RERE: variants seen among roughly 807,000 people sequenced by gnomAD.
The protein encoded by RERE is arginine-glutamic acid dipeptide repeats.
RERE carries 40 observed loss-of-function variants against 146.1 expected under a neutral mutation model. The observed-to-expected ratio is 0.27, with a 90% CI of 0.21 to 0.36. RERE has a LOEUF of 0.36. Among genes scored for constraint, RERE ranks in the 10% least tolerant of loss-of-function variants. The probability of loss-of-function intolerance (pLI) is 1.00; values close to 1 mark genes in which losing one functional copy is unlikely to be tolerated. For synonymous variants in RERE, 1,003 were observed against 866.0 expected (o/e 1.16, Z -2.78); for missense variants, 1,933 against 2,138.7 (o/e 0.90, Z 1.90).
intron 4 of RERE, among the ~76,000 whole-genome samples, chr1:8,557,952 A>G (rs1646026595): frequency 6.6e-6 from 1 of 152,218 alleles, no homozygotes; most frequent in African/African-American, 2.4e-5. Flanking sequence ...TAAGGCTAGA[A>G]AGAACTTACC....
intron 11 of RERE, among the ~76,000 whole-genome samples, chr1:8,439,968 G>T (rs902382361): frequency 6.6e-6 from 1 of 152,184 alleles, no homozygotes; most frequent in African/African-American, 2.4e-5. Context: ...CAGCTACTGG[G>T]GAGGCTGAGG....
At chr1:8,429,386 C>T (rs1393149431) in intron 11 of RERE, among the ~76,000 whole-genome samples, 1 of 152,078 alleles carries the variant, frequency 6.6e-6, no homozygotes, top group East Asian at 1.9e-4. Flanking sequence ...ATATTGTTTC[C>T]CAAAAATTCT....
intron 2 of RERE, among the ~76,000 whole-genome samples, chr1:8,655,162 T>C (rs1638240189): frequency 6.6e-6 from 1 of 152,036 alleles, no homozygotes; most frequent in South Asian, 2.1e-4. Context: ...AAGCTCAAAT[T>C]TTTGGAAAAG....
chr1:8,396,480 C>A (rs1643059495), intron 12 of RERE, among the ~76,000 whole-genome samples: 1 of 152,156 alleles, frequency 6.6e-6, no homozygotes, highest in South Asian at 2.1e-4. Flanking sequence ...AAGAATGCAG[C>A]AGACTTCTAA....
intron 4 of RERE, among the ~76,000 whole-genome samples, chr1:8,559,280 C>CAAA (rs548075266): frequency 0.018 from 217 of 12,056 alleles, 22 homozygotes; most frequent in African/African-American, 0.019. Context: ...AACTCCAGCT[C>CAAA]AAAAAAAAAA....
chr1:8,614,806 C>T, intron 3 of RERE, 120 bp from the exon 4 acceptor site: 1 of 1,116,972 alleles, frequency 9.0e-7, no homozygotes, highest in Non-Finnish European at 1.3e-6. Context: ...ACCTCTGAAA[C>T]CTCAGATAAT....
At chr1:8,739,207 C>T (rs1005420073) in intron 1 of RERE, among the ~76,000 whole-genome samples, 16 of 152,190 alleles carry the variant, frequency 1.1e-4, no homozygotes, top group African/African-American at 3.4e-4. Context: ...TGTAACACAA[C>T]ATATAATTGC....
intron 1 of RERE, among the ~76,000 whole-genome samples, chr1:8,810,483 A>G (rs1280995691): frequency 6.6e-6 from 1 of 152,090 alleles, no homozygotes; most frequent in East Asian, 1.9e-4. Flanking sequence ...GTGCATGCCT[A>G]TGGTCCCAGC....
At chr1:8,575,312 C>T (rs984183562) in intron 4 of RERE, among the ~76,000 whole-genome samples, 2 of 151,056 alleles carry the variant, frequency 1.3e-5, no homozygotes, top group Non-Finnish European at 2.9e-5. Flanking sequence ...GCTAAATAAC[C>T]GGACACTTTC....
intron 11 of RERE, among the ~76,000 whole-genome samples, chr1:8,433,004 T>C (rs1033353136): frequency 6.6e-6 from 1 of 152,204 alleles, no homozygotes; most frequent in Non-Finnish European, 1.5e-5. Flanking sequence ...CACATATACA[T>C]ATACATATAC....
At chr1:8,609,605 G>A (rs1646766452) in intron 4 of RERE, among the ~76,000 whole-genome samples, 1 of 152,094 alleles carries the variant, frequency 6.6e-6, no homozygotes, top group Non-Finnish European at 1.5e-5. Flanking sequence ...AGTAAATAAT[G>A]AAAAAGCAAT....
rs544170204 is a variant in RERE, at chr1:8,551,642, T to G, written c.725+4833A>C. On this transcript the variant is annotated intron_variant, in intron 6 of 22. Coordinates refer to ENST00000400908, the MANE Select transcript of RERE (RefSeq NM_001042681.2). The stretch of plus-strand genomic sequence containing the variant: ...AACTCAGCAGAAATTCAATGAGCTA[T>G]GGAGTGTACTACACATGTTACTAGG... 3.3e-5 allele frequency among the ~76,000 whole-genome samples: 5 copies of G among 152,344 alleles called. No homozygotes were observed. The South Asian group carries it at 1.0e-3, about 32-fold the overall frequency.
At chr1:8,635,546 A>C (rs191959764) in intron 2 of RERE, among the ~76,000 whole-genome samples, 1 of 152,354 alleles carries the variant, frequency 6.6e-6, no homozygotes, top group Non-Finnish European at 1.5e-5. Context: ...CTCTAGGCCA[A>C]TATAACACTT....
chr1:8,510,019 A>T (rs560457504), intron 7 of RERE, among the ~76,000 whole-genome samples: 1 of 152,304 alleles, frequency 6.6e-6, no homozygotes, highest in South Asian at 2.1e-4. Flanking sequence ...AGGTGGTGGT[A>T]AATGTGACAA....
intron 12 of RERE, among the ~76,000 whole-genome samples, chr1:8,366,574 C>T (rs922475956): frequency 1.3e-5 from 2 of 152,186 alleles, no homozygotes; most frequent in African/African-American, 4.8e-5. Flanking sequence ...CAGCCTCCAC[C>T]TGGCTCCATC....
chr1:8,677,796 C>T (rs1412427310), intron 1 of RERE, among the ~76,000 whole-genome samples: 1 of 152,194 alleles, frequency 6.6e-6, no homozygotes, highest in East Asian at 1.9e-4. Flanking sequence ...TCCATGCAAA[C>T]TTACCAATCC....
At chr1:8,378,081 CAAAG>C (rs1184164668) in intron 12 of RERE, among the ~76,000 whole-genome samples, 4 of 152,100 alleles carry the variant, frequency 2.6e-5, no homozygotes, top group Non-Finnish European at 4.4e-5. Context: ...TTGCTCAATA[CAAAG>C]AAAGGAAAAG....
chr1:8,412,522 T>A (rs1570175528), intron 12 of RERE, among the ~76,000 whole-genome samples: 2 of 152,238 alleles, frequency 1.3e-5, no homozygotes, highest in East Asian at 3.8e-4. Context: ...ATACAAAGTG[T>A]GTGTGTTCAT....
intron 2 of RERE, among the ~76,000 whole-genome samples, 182 bp downstream of exon 2, chr1:8,655,791 C>A (rs1285571454): frequency 6.6e-6 from 1 of 152,144 alleles, no homozygotes; most frequent in Admixed American, 6.5e-5. Flanking sequence ...AAGGCAGACA[C>A]AAGCAAGAAG....
Sources: allele counts gnomAD v4.1 joint callset (sites outside exome capture counted in the v4.1 genomes callset), GRCh38; gene constraint gnomAD v4.1.1; transcripts MANE v1.5; gene names NCBI Gene and HGNC (gene_info 2026-07-23, HGNC 2026-07-21).